Variants in ZNF519 observed in about 807,000 individuals in gnomAD.
ZNF519 encodes the protein similar to Zinc finger protein 85 (Zinc finger protein HPF4) (HTF1).
Under a neutral mutation model 7.4 loss-of-function variants are expected in ZNF519, and 7 were observed. The ratio of observed to expected loss-of-function variants is 0.94; its 90% CI spans 0.54 to 1.77. ZNF519 has a LOEUF of 1.77. ZNF519 is among the 40% of genes most tolerant of loss of function. The probability of loss-of-function intolerance (pLI) is 0.00; values close to 1 mark genes in which losing one functional copy is unlikely to be tolerated. For missense variants in ZNF519, 586 were observed against 623.1 expected (o/e 0.94, Z 0.63); for synonymous variants, 179 against 203.3 (o/e 0.88, Z 1.02).
At chr18:14,085,987 G>A (rs2046088855) in intron 2 of ZNF519, among the ~76,000 whole-genome samples, 1 of 152,174 alleles carries the variant, frequency 6.6e-6, no homozygotes, top group Non-Finnish European at 1.5e-5. Context: ...GGGTTGTGCT[G>A]GCCCCAGTTT....
In ZNF519 at chr18:14,103,765, G is replaced by A. The variant is rs1397438069; in HGVS notation, c.*1152C>T. On this transcript the variant is annotated 3_prime_UTR_variant, in exon 3 of 3. Coordinates refer to ENST00000590202, the MANE Select transcript of ZNF519 (RefSeq NM_145287.4). ...AAGACAGCATGAACTAGACATACCCGATAGTATATCATTACCATTTACTAC... is the reference window on the plus strand; with the variant it reads ...AAGACAGCATGAACTAGACATACCCAATAGTATATCATTACCATTTACTAC... 2.6e-5 allele frequency: 4 copies of A among 152,034 alleles called. No homozygotes were observed. Among genetic ancestry groups the A allele is most frequent in the East Asian group, 1.9e-4 (1 of 5,198 alleles). The allele number at this position is 152,034 out of a possible 1,614,324, so 9.4% of individuals were successfully genotyped here.
chr18:14,095,344 T>C (rs77912384), downstream of ZNF519, among the ~76,000 whole-genome samples: 3,363 of 152,214 alleles, frequency 0.022, 122 homozygotes, highest in African/African-American at 0.074. Flanking sequence ...TGCAGGGCCA[T>C]GTGTTGTGCC....
rs2046164762 is a variant in ZNF519, at chr18:14,102,093, T to G, written c.*2824A>C. ...ATTTTGTTAATTTGTGTTTTCAAAC[T>G]ATTTTAATTCCATCCTATCATTCAT... is the stretch of plus-strand genomic sequence containing the variant. On this transcript the variant is annotated 3_prime_UTR_variant, in exon 3 of 3. Transcript: ENST00000590202. 1 of 187,764 alleles carries G rather than the reference T, an allele frequency of 5.3e-6. No individual in the cohort carries two copies. The allele number at this position is 187,764 out of a possible 1,614,324, so 11.6% of individuals were successfully genotyped here.
Position 14,102,652 on chromosome 18 carries a change from AAAT to A in ZNF519, c.*2262_*2264del, listed in dbSNP as rs747802713. 19 of 152,346 alleles carry A rather than the reference AAAT, an allele frequency of 1.2e-4. No individual in the cohort carries two copies. The highest frequency in any genetic ancestry group is 2.6e-4 in the African/African-American group (11 of 41,582). The allele number at this position is 152,346 out of a possible 1,614,324, so 9.4% of individuals were successfully genotyped here. On this transcript the variant is annotated 3_prime_UTR_variant, in exon 3 of 3. Coordinates refer to ENST00000590202, the MANE Select transcript of ZNF519 (RefSeq NM_145287.4). Reference sequence around the variant, plus strand: ...GATACAAAATGTAGAGTACTTTTTAAAATAATAATAATTTATTCTCTATATGTT... The same window carrying A: ...GATACAAAATGTAGAGTACTTTTTAAAATAATAATTTATTCTCTATATGTT...
downstream of ZNF519, among the ~76,000 whole-genome samples, chr18:14,095,680 G>A (rs1057515072): frequency 3.3e-5 from 5 of 152,196 alleles, no homozygotes; most frequent in African/African-American, 9.7e-5. Context: ...CTGGGGTCAC[G>A]AACCATCAGG....
intron 2 of ZNF519, among the ~76,000 whole-genome samples, chr18:14,107,327 G>C (rs772935532): frequency 6.6e-6 from 1 of 152,160 alleles, no homozygotes; most frequent in Non-Finnish European, 1.5e-5. Context: ...CTAGGTACAT[G>C]CTGGGCCAGA....
intron 2 of ZNF519, among the ~76,000 whole-genome samples, chr18:14,118,734 G>C (rs2046257207): frequency 6.6e-6 from 1 of 152,140 alleles, no homozygotes; most frequent in Non-Finnish European, 1.5e-5. Flanking sequence ...CTCAGCTATA[G>C]TTCAGAAATA....
intron 2 of ZNF519, among the ~76,000 whole-genome samples, chr18:14,091,448 T>C (rs1234127165): frequency 6.6e-6 from 1 of 152,124 alleles, no homozygotes; most frequent in Non-Finnish European, 1.5e-5. Context: ...ACACCATTAT[T>C]ATGCGGTGAA....
chr18:14,113,125 G>C (rs1407897810), intron 2 of ZNF519, among the ~76,000 whole-genome samples: 1 of 152,094 alleles, frequency 6.6e-6, no homozygotes, highest in East Asian at 1.9e-4. Flanking sequence ...ATCTGTTTTT[G>C]ATAGACACTT....
In ZNF519 at chr18:14,102,783, AAT is replaced by A. The variant is rs2046168346; in HGVS notation, c.*2132_*2133del. The stretch of plus-strand genomic sequence containing the variant: ...TAAAACAATAAAACTAAATTAAGAC[AAT>A]ATTTTAAAAATTCAATCCAAATTGG... On this transcript the variant is annotated 3_prime_UTR_variant, in exon 3 of 3. Coordinates refer to ENST00000590202, the MANE Select transcript of ZNF519 (RefSeq NM_145287.4). 6.6e-6 allele frequency: 1 copy of A among 152,142 alleles called. No homozygotes were observed. The highest frequency in any genetic ancestry group is 1.5e-5 in the Non-Finnish European group (1 of 68,014). 9.4% of individuals were successfully genotyped at this position (152,142 alleles called of 1,614,324 possible).
chr18:14,109,991 A>G (rs538388151), intron 2 of ZNF519, among the ~76,000 whole-genome samples: 5 of 152,292 alleles, frequency 3.3e-5, no homozygotes, highest in African/African-American at 1.2e-4. Context: ...TAAAATAGAC[A>G]CATAGACCAA....
downstream of ZNF519, chr18:14,075,727 T>C (rs957011454): frequency 6.6e-6 from 1 of 152,194 alleles, no homozygotes; most frequent in African/African-American, 2.4e-5. Flanking sequence ...TATTGCCACA[T>C]CCCTAGAGGA....
At chr18:14,131,765 C>T (rs1045883723) in intron 1 of ZNF519, among the ~76,000 whole-genome samples, 4 of 151,996 alleles carry the variant, frequency 2.6e-5, no homozygotes, top group African/African-American at 7.2e-5. Context: ...CATAACTGTA[C>T]CCAATTATTT....
At position 14,132,379 on chromosome 18, in the gene ZNF519, G is replaced by T. The variant is rs2046335558; in HGVS notation, c.-102C>A. The T allele has an allele frequency of 2.1e-6, 3 of 1,452,816 alleles. No homozygotes were observed. The highest frequency in any genetic ancestry group is 1.8e-4 in the Middle Eastern group (1 of 5,592). 90.0% of individuals were successfully genotyped at this position (1,452,816 alleles called of 1,614,324 possible). On this transcript the variant is annotated 5_prime_UTR_variant, in exon 1 of 3. Coordinates refer to ENST00000590202, the MANE Select transcript of ZNF519 (RefSeq NM_145287.4). Reference sequence around the variant, plus strand: ...GTGGCAGAATCACCGAAGTCTCCCGGAGCAGAGGACACAAGGCAATGAAGC... The same window carrying T: ...GTGGCAGAATCACCGAAGTCTCCCGTAGCAGAGGACACAAGGCAATGAAGC...
downstream of ZNF519, chr18:14,071,397 T>A (rs2143062037): frequency 6.6e-6 from 1 of 152,232 alleles, no homozygotes; most frequent in South Asian, 2.1e-4. Context: ...TAGATAAATA[T>A]CAACTTTCCT....
intron 2 of ZNF519, among the ~76,000 whole-genome samples, chr18:14,109,130 A>T (rs71354932): frequency 0.47 from 71,355 of 150,972 alleles, 17,231 homozygotes; most frequent in East Asian, 0.67. Flanking sequence ...AAAAAAAAAA[A>T]AAAAATAATA....
At chr18:14,081,787 A>G (rs980133932) in intron 3 of ZNF519, among the ~76,000 whole-genome samples, 1 of 152,154 alleles carries the variant, frequency 6.6e-6, no homozygotes, top group Non-Finnish European at 1.5e-5. Context: ...ATTAAAAATA[A>G]AGAGAAAATC....
downstream of ZNF519, chr18:14,071,418 AAAGAC>A (rs2046027813): frequency 6.6e-6 from 1 of 152,190 alleles, no homozygotes; most frequent in Non-Finnish European, 1.5e-5. Flanking sequence ...TTTAGCATGA[AAAGAC>A]AAGAAATTTA....
rs777518675 is a variant in ZNF519, at chr18:14,105,929, A to T, written c.611T>A (p.Ile204Asn). The T allele has an allele frequency of 6.2e-7, 1 of 1,609,682 alleles. No individual in the cohort carries two copies. The highest frequency in any genetic ancestry group is 2.2e-5 in the East Asian group (1 of 44,796). The stretch of plus-strand genomic sequence containing the variant: ...ATTAGAGTTGTAAGGCTTTTTTTGA[A>T]TATGGATATTTTCAGGGAAAATAAG... ...SKLIFPENIHIQKKPYNSNEC... is the reference protein window; with the variant it reads ...SKLIFPENIHNQKKPYNSNEC... The change falls in exon 3 of 3, where the codon ATT becomes AAT. Residue 204 changes from isoleucine to asparagine, a missense_variant. Ile to Asn is a moderately radical substitution (Grantham distance 149, BLOSUM62 -3). Coordinates refer to ENST00000590202, the MANE Select transcript of ZNF519 (RefSeq NM_145287.4).
Sources: allele counts gnomAD v4.1 joint callset (sites outside exome capture counted in the v4.1 genomes callset), GRCh38; gene constraint gnomAD v4.1.1; transcripts MANE v1.5; gene names NCBI Gene and HGNC (gene_info 2026-07-23, HGNC 2026-07-21).